Variants in AMDHD1 observed in about 807,000 individuals in gnomAD.
AMDHD1 encodes the protein probable imidazolonepropionase.
A neutral mutation model predicts 44.1 loss-of-function variants in AMDHD1; 45 were observed. That is an observed-to-expected ratio of 1.02 (90% CI 0.80 to 1.31). The LOEUF is 1.31. Among genes scored for constraint, AMDHD1 ranks in the 50% most tolerant of loss-of-function variants. The pLI, the probability that AMDHD1 is intolerant of heterozygous loss-of-function variation, is 0.00. For synonymous variants in AMDHD1, 206 were observed against 205.0 expected, an observed-to-expected ratio of 1.00 and a Z score of -0.04; for missense variants, 586 against 552.1, an observed-to-expected ratio of 1.06 and a Z score of -0.61.
intron 4 of AMDHD1, 68 bp downstream of exon 4, chr12:95,957,030 G>T (rs917749965): frequency 1.3e-6 from 2 of 1,582,030 alleles, no homozygotes; most frequent in African/African-American, 2.7e-5. Context: ...GGGTGGAGGC[G>T]CATTAGCACT....
At chr12:95,956,204 G>A (rs892321304) in intron 3 of AMDHD1, among the ~76,000 whole-genome samples, 3 of 152,188 alleles carry the variant, frequency 2.0e-5, no homozygotes, top group Non-Finnish European at 2.9e-5. Context: ...CGCCTCCCGG[G>A]TTCAAGTGAT....
At chr12:95,959,975 C>T (rs1483604838) in intron 4 of AMDHD1, among the ~76,000 whole-genome samples, 2 of 96,058 alleles carry the variant, frequency 2.1e-5, no homozygotes, top group Admixed American at 1.1e-4. Flanking sequence ...TTAGTAGAGA[C>T]GGGGTTTTGC....
intron 8 of AMDHD1, among the ~76,000 whole-genome samples, chr12:95,967,434 C>A (rs2080617087): frequency 6.6e-6 from 1 of 152,202 alleles, no homozygotes; most frequent in Admixed American, 6.5e-5. Flanking sequence ...GACCTCAAGT[C>A]CTCCAGAGAC....
At position 95,954,892 on chromosome 12, in the gene AMDHD1, C is replaced by T. The variant is rs771379320; in HGVS notation, c.245-19C>T. The T allele has an allele frequency of 5.0e-6, 8 of 1,613,230 alleles. No homozygotes were observed. The South Asian group carries it at 7.7e-5, about 16-fold the overall frequency. On this transcript the variant is annotated intron_variant, in intron 2 of 8. Coordinates refer to ENST00000266736, the MANE Select transcript of AMDHD1 (RefSeq NM_152435.3). Reference sequence around the variant, plus strand: ...TCTCTATTTCTTAATTGTAAGATAACTTGATTTATTGATTATAGGTTTGGT... The same window carrying T: ...TCTCTATTTCTTAATTGTAAGATAATTTGATTTATTGATTATAGGTTTGGT...
rs766702790 is a variant in AMDHD1 at position 95,943,407 on chromosome 12, C to A, written c.9C>A (p.Ser3Arg). The A allele has an allele frequency of 6.7e-7, 1 of 1,497,414 alleles. No homozygotes were observed. The highest frequency in any genetic ancestry group is 8.8e-7 in the Non-Finnish European group (1 of 1,130,352). 92.8% of individuals were successfully genotyped at this position (1,497,414 alleles called of 1,614,324 possible). A position where few individuals can be genotyped will look rare whatever the true frequency, so the allele number is the denominator to read the frequency against. ...CCTCGGCGCGAGGCGACATGGCAAG[C>A]GGCCACAGCCTCCTGCTGGAGAACG... Reference protein sequence around the residue: MASGHSLLLENAQ... With the variant: MARGHSLLLENAQ... Residue 3 changes from serine (S) to arginine (R), a missense_variant, in exon 1 of 9, where the codon AGC (serine) becomes AGA (arginine). Transcript: ENST00000266736.
chr12:95,962,584 A>C, intron 6 of AMDHD1, 105 bp downstream of exon 6: 2 of 1,311,208 alleles, frequency 1.5e-6, no homozygotes, highest in Non-Finnish European at 2.0e-6. Context: ...CAAATCCCTT[A>C]AAAATGCAGA....
intron 5 of AMDHD1, 99 bp from the exon 6 acceptor site, chr12:95,962,256 T>G (rs2080585906): frequency 1.4e-6 from 2 of 1,458,078 alleles, no homozygotes; most frequent in African/African-American, 1.8e-5. Context: ...AGAGCAAGAC[T>G]CCGTCTCAAA....
chr12:95,943,513 G>A lies in AMDHD1; in HGVS notation c.115G>A (p.Gly39Ser). 6.7e-7 allele frequency: 1 copy of A among 1,485,680 alleles called. No homozygotes were observed. Among genetic ancestry groups the A allele is most frequent in the Admixed American group, 2.2e-5 (1 of 44,692 alleles). 92.0% of individuals were successfully genotyped at this position (1,485,680 alleles called of 1,614,324 possible). A position where few individuals can be genotyped will look rare whatever the true frequency, so the allele number is the denominator to read the frequency against. Residue 39 changes from glycine (G) to serine (S), a missense_variant, in exon 1 of 9, where the codon GGC becomes AGC. Coordinates refer to ENST00000266736, the MANE Select transcript of AMDHD1 (RefSeq NM_152435.3). ...DALRSLAVLE[G>S]ASLVVGKDGF... ...GCTGCGCAGCCTGGCGGTGCTGGAA[G>A]GCGCCAGCCTGGTGGTGGGCAAGTA...
At chr12:95,953,754 T>A (rs1422461179) in intron 2 of AMDHD1, among the ~76,000 whole-genome samples, 3 of 152,152 alleles carry the variant, frequency 2.0e-5, no homozygotes, top group Non-Finnish European at 2.9e-5. Flanking sequence ...CTAATTTTTG[T>A]ATTTTTAGTA....
intron 7 of AMDHD1, 67 bp from the exon 8 acceptor site, chr12:95,966,281 G>T (rs887352345): frequency 1.3e-6 from 2 of 1,574,964 alleles, no homozygotes; most frequent in South Asian, 1.1e-5. Context: ...GTGCTGTGTT[G>T]AGAAATGTTT....
intron 7 of AMDHD1, 151 bp downstream of exon 7, chr12:95,965,930 T>C (rs1332249194): frequency 3.4e-6 from 2 of 584,334 alleles, no homozygotes; most frequent in East Asian, 3.1e-5. Flanking sequence ...AGCAGTGTAA[T>C]TGGATTTTTC....
rs1358481972 is a variant in AMDHD1 at position 95,949,160 on chromosome 12, G to GA, written c.138-3539dup. On this transcript the variant is annotated intron_variant, in intron 1 of 8. Coordinates refer to ENST00000266736, the MANE Select transcript of AMDHD1 (RefSeq NM_152435.3). ...TAAATTAAAAAAAAAAAAAAAAAAA[G>GA]AAAAAAAAAAAAAAAAAAGAGACTG... Among the ~76,000 whole-genome samples, 38 of 101,886 alleles carry GA rather than the reference G, an allele frequency of 3.7e-4. 5 individuals are homozygous for GA. The highest frequency in any genetic ancestry group is 7.2e-4 in the South Asian group (2 of 2,770). 66.8% of individuals were successfully genotyped at this position (101,886 alleles called of 152,430 possible). A position where few individuals can be genotyped will look rare whatever the true frequency, so the allele number is the denominator to read the frequency against.
chr12:95,945,798 A>T (rs191259579), intron 1 of AMDHD1, among the ~76,000 whole-genome samples: 1 of 151,568 alleles, frequency 6.6e-6, no homozygotes, highest in Non-Finnish European at 1.5e-5. Context: ...TTTTTTTCCC[A>T]ACAAGTATAT....
intron 1 of AMDHD1, among the ~76,000 whole-genome samples, chr12:95,950,704 C>A (rs1301285679): frequency 1.3e-5 from 2 of 152,166 alleles, no homozygotes; most frequent in Non-Finnish European, 1.5e-5. Flanking sequence ...AGATGGCCAC[C>A]CCATCTCTAG....
At chr12:95,949,658 T>C (rs914133060) in intron 1 of AMDHD1, among the ~76,000 whole-genome samples, 1 of 152,336 alleles carries the variant, frequency 6.6e-6, no homozygotes, top group Non-Finnish European at 1.5e-5. Flanking sequence ...CCTATGCAAA[T>C]AGAATCACAT....
At chr12:95,956,601 T>A in intron 3 of AMDHD1, 84 bp from the exon 4 acceptor site, 1 of 1,547,410 alleles carries the variant, frequency 6.5e-7, no homozygotes, top group Non-Finnish European at 8.8e-7. Flanking sequence ...AATCATTATA[T>A]AATATTGCCC....
Position 95,946,059 on chromosome 12 carries a change from C to CTGTGTGTGTGTGTG in AMDHD1, c.137+2525_137+2526insGTGTGTGTGTGTGT, listed in dbSNP as rs62886262. 7.7e-5 allele frequency among the ~76,000 whole-genome samples: 11 copies of CTGTGTGTGTGTGTG among 142,620 alleles called. No homozygotes were observed. In the South Asian group the frequency reaches 2.1e-3, roughly 28 times the overall value. 93.6% of individuals were successfully genotyped at this position (142,620 alleles called of 152,430 possible). On this transcript the variant is annotated intron_variant, in intron 1 of 8. Coordinates refer to ENST00000266736, the MANE Select transcript of AMDHD1 (RefSeq NM_152435.3). ...TAAATTAAGTTCTCTCTCTCTTTCTCTCTGTGTGTGTGTGTGTGTGTGTGT... is the reference window on the plus strand; with the variant it reads ...TAAATTAAGTTCTCTCTCTCTTTCTCTGTGTGTGTGTGTGTCTGTGTGTGTGTGTGTGTGTGTGT...
chr12:95,943,467 G>A lies in AMDHD1; in HGVS notation c.69G>A (p.Glu23=). ...QQVVLVCARG[E]RFLARDALRS... ...TGGTGCTGGTGTGCGCCCGCGGCGAGCGCTTCCTGGCGCGGGATGCGCTGC... is the reference window on the plus strand; with the variant it reads ...TGGTGCTGGTGTGCGCCCGCGGCGAACGCTTCCTGGCGCGGGATGCGCTGC... Residue 23 remains glutamate (E), a synonymous_variant, in exon 1 of 9, where the codon GAG becomes GAA. Transcript: ENST00000266736. The A allele has an allele frequency of 6.6e-7, 1 of 1,504,620 alleles. No individual in the cohort carries two copies. The highest frequency in any genetic ancestry group is 8.8e-7 in the Non-Finnish European group (1 of 1,131,438). 93.2% of individuals were successfully genotyped at this position (1,504,620 alleles called of 1,614,324 possible).
At chr12:95,959,638 G>A (rs2080569789) in intron 4 of AMDHD1, among the ~76,000 whole-genome samples, 1 of 152,044 alleles carries the variant, frequency 6.6e-6, no homozygotes, top group Admixed American at 6.5e-5. Context: ...CCCCCAGATA[G>A]TGAGACAGAA....
Sources: gnomAD v4.1 joint callset for allele counts (sites outside exome capture counted in the v4.1 genomes callset) on GRCh38, gnomAD v4.1.1 for gene constraint, MANE v1.5 for transcripts, NCBI Gene and HGNC (gene_info 2026-07-23, HGNC 2026-07-21) for gene names.